SPPL3: variants seen among roughly 807,000 people sequenced by gnomAD.
SPPL3 encodes the protein signal peptide peptidase like 3.
SPPL3 carries 5 observed loss-of-function variants against 42.4 expected under a neutral mutation model. That is an observed-to-expected ratio of 0.12 (90% confidence interval 0.06 to 0.25). SPPL3 has a LOEUF of 0.25. Ranked by LOEUF, SPPL3 falls within the 10% of genes least tolerant of loss-of-function variation. SPPL3 has a pLI of 1.00. For missense variants in SPPL3, 235 were observed against 489.0 expected (o/e 0.48, Z 4.90); for synonymous variants, 195 against 181.8 (o/e 1.07, Z -0.58).
intron 1 of SPPL3, among the ~76,000 whole-genome samples, chr12:120,877,729 C>T (rs1206558282): frequency 4.7e-5 from 7 of 148,362 alleles, no homozygotes; most frequent in Admixed American, 2.1e-4. Context: ...TGCAGTGAGC[C>T]GAGATCGTGC....
chr12:120,878,557 C>T (rs1873183284), intron 1 of SPPL3, among the ~76,000 whole-genome samples: 1 of 152,110 alleles, frequency 6.6e-6, no homozygotes, highest in Non-Finnish European at 1.5e-5. Context: ...AGTTTCTGTT[C>T]AATATTTAAA....
intron 1 of SPPL3, among the ~76,000 whole-genome samples, chr12:120,863,953 C>T (rs937154112): frequency 5.3e-5 from 8 of 151,948 alleles, no homozygotes; most frequent in African/African-American, 1.7e-4. Flanking sequence ...GCTGAGATCC[C>T]GGGCATGAGC....
rs141610822 is a variant in SPPL3 at position 120,803,052 on chromosome 12, A to G, written c.101+7757T>C. ...TCCTCTTTATGAAGGTCGTTAGGAT[A>G]AAAGTCTGTCTGATCTTAAGGCCAA... On this transcript the variant is annotated intron_variant, in intron 2 of 10. Coordinates refer to ENST00000353487, the MANE Select transcript of SPPL3 (RefSeq NM_139015.5). 4.0e-3 allele frequency among the ~76,000 whole-genome samples: 606 copies of G among 152,358 alleles called. 3 individuals carry two copies. Among genetic ancestry groups the G allele is most frequent in the African/African-American group, 0.013 (545 of 41,590 alleles).
rs544660856 is a variant in SPPL3, at chr12:120,894,217, G to A, written c.23+9628C>T. ...CGCATGCCCGTTATCCCAGCTACTC[G>A]GGAAGCTGAGGCAGGAGAATCACTT... On this transcript the variant is annotated intron_variant, in intron 1 of 10. Transcript: ENST00000353487. Among the ~76,000 whole-genome samples the A allele has an allele frequency of 1.4e-4, 22 of 152,254 alleles. No homozygotes were observed. In the South Asian group the frequency reaches 2.3e-3, roughly 16 times the overall value.
At position 120,764,641 on chromosome 12, in the gene SPPL3, A is replaced by G. The variant is rs908368175; in HGVS notation, c.*358T>C. ...ATTTTTTTCATCCTTTTAGTGTTCA[A>G]AAGTTCTAGAAAGACTCCTCGCTGT... On this transcript the variant is annotated 3_prime_UTR_variant, in exon 11 of 11. Transcript: ENST00000353487. 5 of 386,884 alleles carry G rather than the reference A, an allele frequency of 1.3e-5. No homozygotes were observed. Among genetic ancestry groups the G allele is most frequent in the African/African-American group, 1.0e-4 (5 of 48,444 alleles). 24.0% of individuals were successfully genotyped at this position (386,884 alleles called of 1,614,324 possible).
rs1303119494 is a variant in SPPL3, at chr12:120,903,916, G to A, written c.-49C>T. 7.5e-7 allele frequency: 1 copy of A among 1,330,242 alleles called. No homozygotes were observed. Among genetic ancestry groups the A allele is most frequent in the Non-Finnish European group, 9.6e-7 (1 of 1,042,490 alleles). The allele number at this position is 1,330,242 out of a possible 1,614,324, so 82.4% of individuals were successfully genotyped here. On this transcript the variant is annotated 5_prime_UTR_variant, in exon 1 of 11. Coordinates refer to ENST00000353487, the MANE Select transcript of SPPL3 (RefSeq NM_139015.5). The stretch of plus-strand genomic sequence containing the variant: ...CTGCAGGCTGTGGCCGGGCCCGGCG[G>A]CGGCGGGCTCGCTCGGGCCGTAGCT...
At chr12:120,845,535 C>T (rs1239282045) in intron 1 of SPPL3, 3 of 462,138 alleles carry the variant, frequency 6.5e-6, no homozygotes, top group African/African-American at 2.1e-5. Context: ...CACCATCTCC[C>T]CCAGCTTAAG....
intron 1 of SPPL3, among the ~76,000 whole-genome samples, chr12:120,853,955 C>A (rs540102602): frequency 6.9e-6 from 1 of 145,604 alleles, no homozygotes; most frequent in Admixed American, 7.1e-5. Context: ...TGAAAACAAA[C>A]ACCACCACCA....
At chr12:120,881,220 G>C (rs887502695) in intron 1 of SPPL3, among the ~76,000 whole-genome samples, 1 of 151,856 alleles carries the variant, frequency 6.6e-6, no homozygotes, top group Non-Finnish European at 1.5e-5. Flanking sequence ...TGTAATCCCA[G>C]CACTTTGGGA....
chr12:120,870,385 C>T lies in SPPL3; in HGVS notation c.23+33460G>A, dbSNP rs115729553. ...ACTTGAACCCGGGAGGCAGAGGTCA[C>T]GGTAAGCAGAGATTGAGCACTCCAG... is the stretch of plus-strand genomic sequence containing the variant. On this transcript the variant is annotated intron_variant, in intron 1 of 10. Transcript: ENST00000353487. Among the ~76,000 whole-genome samples, 499 of 152,162 alleles carry T rather than the reference C, an allele frequency of 3.3e-3. 2 individuals carry two copies. Among genetic ancestry groups the T allele is most frequent in the African/African-American group, 0.011 (445 of 41,488 alleles).
At chr12:120,808,535 ATTTC>A in intron 2 of SPPL3, among the ~76,000 whole-genome samples, 1 of 152,228 alleles carries the variant, frequency 6.6e-6, no homozygotes, top group Non-Finnish European at 1.5e-5. Flanking sequence ...AGTAAGAGCC[ATTTC>A]ATACTCTCTG....
chr12:120,826,169 T>G (rs2137013072), intron 1 of SPPL3, among the ~76,000 whole-genome samples: 1 of 151,960 alleles, frequency 6.6e-6, no homozygotes, highest in Middle Eastern at 3.4e-3. Flanking sequence ...GGCACATGTC[T>G]GTAATCCCCG....
At chr12:120,808,554 A>T (rs1449814689) in intron 2 of SPPL3, among the ~76,000 whole-genome samples, 1 of 152,248 alleles carries the variant, frequency 6.6e-6, no homozygotes, top group African/African-American at 2.4e-5. Context: ...TCTCTGTCGA[A>T]GTATTTCCAC....
chr12:120,835,906 T>C (rs1442663242), intron 1 of SPPL3, among the ~76,000 whole-genome samples: 2 of 152,236 alleles, frequency 1.3e-5, no homozygotes, highest in Non-Finnish European at 2.9e-5. Flanking sequence ...ACTTAAATTC[T>C]GGCAACTTCC....
chr12:120,860,362 T>C (rs1177071152), intron 1 of SPPL3, among the ~76,000 whole-genome samples: 1 of 152,198 alleles, frequency 6.6e-6, no homozygotes, highest in Non-Finnish European at 1.5e-5. Context: ...AATTTATGTA[T>C]AATATACTCA....
chr12:120,885,192 G>C (rs1330468703), intron 1 of SPPL3, among the ~76,000 whole-genome samples: 2 of 152,148 alleles, frequency 1.3e-5, no homozygotes, highest in Admixed American at 1.3e-4. Flanking sequence ...TAATGAACAA[G>C]TGTCAAAGTA....
chr12:120,885,447 G>A (rs182036328), intron 1 of SPPL3, among the ~76,000 whole-genome samples: 74 of 152,240 alleles, frequency 4.9e-4, no homozygotes, highest in African/African-American at 1.4e-3. Context: ...AGTCATGATC[G>A]TTGTTCTCTT....
chr12:120,783,303 C>T lies in SPPL3; in HGVS notation c.389+371G>A, dbSNP rs557318990. On this transcript the variant is annotated intron_variant, in intron 5 of 10. Coordinates refer to ENST00000353487, the MANE Select transcript of SPPL3 (RefSeq NM_139015.5). ...GATTAAACGCAAGTAGGTAGCATAT[C>T]TAGGCCACCGAAGACCAAAGGCAAA... Among the ~76,000 whole-genome samples, 6 of 152,250 alleles carry T rather than the reference C, an allele frequency of 3.9e-5. No individual in the cohort carries two copies. The East Asian group carries it at 1.2e-3, about 29-fold the overall frequency.
intron 1 of SPPL3, among the ~76,000 whole-genome samples, chr12:120,813,378 C>G (rs1255729870): frequency 6.8e-6 from 1 of 147,910 alleles, no homozygotes; most frequent in Non-Finnish European, 1.5e-5. Context: ...AGTGCAATGG[C>G]ACGATCTCGG....
Sources: gnomAD v4.1 joint callset for allele counts (sites outside exome capture counted in the v4.1 genomes callset) on GRCh38, gnomAD v4.1.1 for gene constraint, MANE v1.5 for transcripts, NCBI Gene and HGNC (gene_info 2026-07-23, HGNC 2026-07-21) for gene names.